The following CPAMD8 variants were observed in gnomAD, a reference collection of about 807,000 sequenced individuals.
The protein encoded by CPAMD8 is C3 and PZP-like alpha-2-macroglobulin domain-containing protein 8.
In CPAMD8, 146 loss-of-function variants were observed where a neutral mutation model predicts 224.7. The observed-to-expected ratio is 0.65, with a 90% CI of 0.57 to 0.75. The LOEUF (loss-of-function observed/expected upper bound fraction) is 0.75. CPAMD8 is among the 30% of genes least tolerant of loss of function. The pLI, the probability that CPAMD8 is intolerant of heterozygous loss-of-function variation, is 0.00. For synonymous variants in CPAMD8, 966 were observed against 1,044.6 expected (o/e 0.92, Z 1.45); for missense variants, 2,301 against 2,537.5 (o/e 0.91, Z 2.00).
chr19:16,946,077 T>TTGTATGTGTATATGCATGTG (rs1264219297), intron 21 of CPAMD8, among the ~76,000 whole-genome samples: 30 of 152,004 alleles, frequency 2.0e-4, no homozygotes, highest in African/African-American at 6.5e-4. Context: ...GTGTACAAGT[T>TTGTATGTGTATATGCATGTG]TGTATGTGTA....
chr19:16,914,846 G>GACCATTCTGCAACCCCT, intron 27 of CPAMD8, 33 bp from the exon 28 acceptor site: 1 of 1,532,424 alleles, frequency 6.5e-7, no homozygotes, highest in Non-Finnish European at 8.9e-7. Flanking sequence ...CTGAGGGGTT[G>GACCATTCTGCAACCCCT]CAGAATGGTC....
Position 16,989,842 on chromosome 19 carries a change from G to C in CPAMD8, c.1267-71C>G, listed in dbSNP as rs188170574. ...GAAAGGGGGTCTTGGGGATGCTTCT[G>C]CTTGCTCTGCCCAGAAGAAACACCC... On this transcript the variant is annotated intron_variant, in intron 12 of 41. Coordinates refer to ENST00000443236, the MANE Select transcript of CPAMD8 (RefSeq NM_015692.5). 40 of 1,454,072 alleles carry C rather than the reference G, an allele frequency of 2.8e-5. No individual in the cohort carries two copies. The African/African-American group carries it at 4.6e-4, about 17-fold the overall frequency. The allele number at this position is 1,454,072 out of a possible 1,614,324, so 90.1% of individuals were successfully genotyped here.
chr19:16,946,231 TTG>T (rs1218049201), intron 21 of CPAMD8, among the ~76,000 whole-genome samples: 1 of 150,190 alleles, frequency 6.7e-6, no homozygotes, highest in African/African-American at 2.5e-5. Flanking sequence ...GTGTGTGGAT[TTG>T]TGTGTGATGC....
At chr19:16,953,295 T>A (rs915488390) in intron 19 of CPAMD8, among the ~76,000 whole-genome samples, 1 of 149,704 alleles carries the variant, frequency 6.7e-6, no homozygotes, top group Admixed American at 6.7e-5. Context: ...TTCATGACAT[T>A]GGGTTTGACA....
chr19:17,008,471 C>G (rs1229056791), intron 7 of CPAMD8, 34 bp downstream of exon 7: 19 of 1,611,464 alleles, frequency 1.2e-5, no homozygotes, highest in Non-Finnish European at 1.5e-5. Context: ...TTTATCACAT[C>G]TGCAGCCCCC....
intron 41 of CPAMD8, chr19:16,893,741 C>A: frequency 5.5e-6 from 1 of 182,216 alleles, no homozygotes; most frequent in Non-Finnish European, 1.1e-5. Context: ...GGTGAGGAAG[C>A]ACCGGGGTCA....
rs747799423 is a variant in CPAMD8 at position 16,896,212 on chromosome 19, TC to T, written c.5389del (p.Asp1797ThrfsTer22). ...KLNGAGLEVE[D>X]SDPEPEGEAE... ...CTCCCCTTCAGGCTCAGGGTCTGAG[TC>T]CTCCACCTCAAGGCCGGCTCCATTC... On this transcript the variant is annotated frameshift_variant, in exon 41 of 42. Coordinates refer to ENST00000443236, the MANE Select transcript of CPAMD8 (RefSeq NM_015692.5). LOFTEE classifies it low-confidence loss of function (END_TRUNC). 6.2e-7 allele frequency: 1 copy of T among 1,613,476 alleles called. No individual in the cohort carries two copies. The highest frequency in any genetic ancestry group is 1.7e-5 in the Admixed American group (1 of 59,996).
At chr19:16,946,458 C>CGT (rs2054092719) in intron 21 of CPAMD8, among the ~76,000 whole-genome samples, 1 of 115,914 alleles carries the variant, frequency 8.6e-6, no homozygotes. Context: ...CACATGTGGG[C>CGT]ATGTGTGTGG....
chr19:17,012,838 T>C (rs1441187905), intron 3 of CPAMD8, among the ~76,000 whole-genome samples: 19 of 152,212 alleles, frequency 1.2e-4, no homozygotes, highest in Admixed American at 1.2e-3. Context: ...CATATGTACA[T>C]GTCCAGATAT....
chr19:17,012,024 A>G (rs2056668477), intron 3 of CPAMD8, among the ~76,000 whole-genome samples: 1 of 151,992 alleles, frequency 6.6e-6, no homozygotes, highest in Non-Finnish European at 1.5e-5. Flanking sequence ...ACTGCCCCAA[A>G]TATCTTTTTT....
At chr19:16,927,013 T>C (rs983826391) in intron 25 of CPAMD8, among the ~76,000 whole-genome samples, 1 of 152,100 alleles carries the variant, frequency 6.6e-6, no homozygotes, top group African/African-American at 2.4e-5. Flanking sequence ...TTCCGGCCTC[T>C]CACCCTCTCC....
At position 16,896,445 on chromosome 19, in the gene CPAMD8, A is replaced by G. The variant is rs1267643126; in HGVS notation, c.5275+11T>C. On this transcript the variant is annotated intron_variant, in intron 40 of 41. Coordinates refer to ENST00000443236, the MANE Select transcript of CPAMD8 (RefSeq NM_015692.5). Reference sequence around the variant, plus strand: ...GTGTCCCCGAGGCTAGGCGGGGGGTAGGGTCCTCACCGAGGGCGCAGCAGC... The same window carrying G: ...GTGTCCCCGAGGCTAGGCGGGGGGTGGGGTCCTCACCGAGGGCGCAGCAGC... The G allele has an allele frequency of 7.5e-6, 11 of 1,461,194 alleles. 1 individual carries two copies. In the South Asian group the frequency reaches 1.5e-4, roughly 20 times the overall value. The allele number at this position is 1,461,194 out of a possible 1,614,324, so 90.5% of individuals were successfully genotyped here.
chr19:16,916,251 T>C (rs7508489), intron 27 of CPAMD8, among the ~76,000 whole-genome samples: 75,711 of 151,724 alleles, frequency 0.5, 20,513 homozygotes, highest in Non-Finnish European at 0.6. Flanking sequence ...TGGGCTCCAG[T>C]GATCCTCCCA....
At chr19:16,963,697 T>C (rs1599794182) in intron 18 of CPAMD8, among the ~76,000 whole-genome samples, 1 of 152,198 alleles carries the variant, frequency 6.6e-6, no homozygotes, top group East Asian at 1.9e-4. Context: ...GCAGACCTAA[T>C]AGACATCTAC....
At chr19:16,967,894 T>TGCATATATACACACAC (rs2054900926) in intron 18 of CPAMD8, among the ~76,000 whole-genome samples, 516 of 16,860 alleles carry the variant, frequency 0.031, 14 homozygotes, top group South Asian at 0.14. Context: ...CACACACATG[T>TGCATATATACACACAC]GTGTGTATAT....
At chr19:16,996,817 TAAAA>T (rs11332531) in intron 11 of CPAMD8, among the ~76,000 whole-genome samples, 2 of 108,346 alleles carry the variant, frequency 1.8e-5, no homozygotes, top group Admixed American at 9.6e-5. Flanking sequence ...TGACTATCTC[TAAAA>T]AAAAAAAAAA....
intron 12 of CPAMD8, among the ~76,000 whole-genome samples, chr19:16,992,190 AG>A (rs1298872406): frequency 6.6e-6 from 1 of 152,152 alleles, no homozygotes; most frequent in Non-Finnish European, 1.5e-5. Context: ...TACTTCCTCA[AG>A]AGCTCCAGTT....
At position 16,988,082 on chromosome 19, in the gene CPAMD8, A is replaced by C. The variant is rs1019882371; in HGVS notation, c.1395+1561T>G. On this transcript the variant is annotated intron_variant, in intron 13 of 41. Coordinates refer to ENST00000443236, the MANE Select transcript of CPAMD8 (RefSeq NM_015692.5). ...CTTATGTAATCAGAATTGCAAAATA[A>C]TAGACCCAGGAAAAATGAATGGCAG... 2.0e-5 allele frequency among the ~76,000 whole-genome samples: 3 copies of C among 152,324 alleles called. No individual in the cohort carries two copies. In the East Asian group the frequency reaches 5.8e-4, roughly 29 times the overall value.
At position 16,975,099 on chromosome 19, in the gene CPAMD8, T is replaced by C. The variant is rs773036438; in HGVS notation, c.2068A>G (p.Thr690Ala). Reference sequence around the variant, plus strand: ...GATCTGAGACCACCTCTCCTTACGGTGAAGGCAAACCCAGAGTCCTTGGTG... The same window carrying C: ...GATCTGAGACCACCTCTCCTTACGGCGAAGGCAAACCCAGAGTCCTTGGTG... ...GITKDSGFAF[T>A]ETGLVVMTDR... Residue 690 changes from threonine to alanine, a missense_variant and splice_region_variant, in exon 17 of 42, where the codon ACC becomes GCC. This residue lies in a region of CPAMD8 where 1,709 missense variants were observed against 1,753.2 expected (regional missense o/e 0.97). Transcript: ENST00000443236. 1 of 1,611,636 alleles carries C rather than the reference T, an allele frequency of 6.2e-7. No homozygotes were observed. The highest frequency in any genetic ancestry group is 1.3e-5 in the African/African-American group (1 of 74,982).
Sources: allele counts gnomAD v4.1 joint callset (sites outside exome capture counted in the v4.1 genomes callset), GRCh38; gene constraint gnomAD v4.1.1; regional missense constraint gnomAD v4.1.1; transcripts MANE v1.5; gene names NCBI Gene and HGNC (gene_info 2026-07-23, HGNC 2026-07-21).